The following RTN4 variants were observed in gnomAD, a reference collection of about 807,000 sequenced individuals.
The protein encoded by RTN4 is reticulon 4, also known as reticulon-4.
A neutral mutation model predicts 90.4 loss-of-function variants in RTN4; 32 were observed. That is an observed-to-expected ratio of 0.35 (90% CI 0.27 to 0.48). The LOEUF (loss-of-function observed/expected upper bound fraction) is 0.48, where lower values mean the gene tolerates loss of function less well. Among genes scored for constraint, RTN4 ranks in the 20% least tolerant of loss-of-function variants. RTN4 has a pLI of 0.99. For missense variants in RTN4, 1,706 were observed against 1,430.2 expected (o/e 1.19, Z -3.11); for synonymous variants, 629 against 552.5 (o/e 1.14, Z -1.94).
At chr2:55,039,224 G>C (rs1682894887) in intron 1 of RTN4, among the ~76,000 whole-genome samples, 1 of 152,118 alleles carries the variant, frequency 6.6e-6, no homozygotes, top group South Asian at 2.1e-4. Flanking sequence ...TTGTCAAAAT[G>C]TAAAACTGTT....
upstream of RTN4, among the ~76,000 whole-genome samples, chr2:55,113,530 T>G (rs1573525843): frequency 6.6e-6 from 1 of 152,310 alleles, no homozygotes; most frequent in South Asian, 2.1e-4. Flanking sequence ...TGGTAGTTGC[T>G]CTGGGGGAGA....
chr2:55,078,969 A>G (rs1668654217), intron 2 of RTN4, among the ~76,000 whole-genome samples: 1 of 152,226 alleles, frequency 6.6e-6, no homozygotes, highest in Non-Finnish European at 1.5e-5. Context: ...AAAATAGAGT[A>G]AGACAAACGG....
chr2:55,094,479 G>T (rs113858242), intron 1 of RTN4, among the ~76,000 whole-genome samples: 2 of 152,206 alleles, frequency 1.3e-5, no homozygotes, highest in African/African-American at 2.4e-5. Flanking sequence ...GAAGTATAGA[G>T]CAGTGACCAA....
chr2:55,112,274 A>G (rs145766760), intron 1 of RTN4, among the ~76,000 whole-genome samples: 2 of 152,328 alleles, frequency 1.3e-5, no homozygotes, highest in East Asian at 3.9e-4. Context: ...CACTTGGCAT[A>G]TGTTGCCTCA....
chr2:55,059,477 C>T (rs1047434614), intron 2 of RTN4, among the ~76,000 whole-genome samples: 3 of 152,046 alleles, frequency 2.0e-5, no homozygotes, highest in Admixed American at 6.5e-5. Context: ...CCTCAGCCTC[C>T]GGAGTAGATG....
chr2:55,125,960 C>A, the RTN4 span, among the ~76,000 whole-genome samples: 3 of 151,636 alleles, frequency 2.0e-5, no homozygotes, highest in Non-Finnish European at 2.9e-5. Context: ...ACTTGGGAGG[C>A]CGAGGCGGGA....
the RTN4 span, among the ~76,000 whole-genome samples, chr2:55,125,641 C>CACCG: frequency 6.6e-6 from 1 of 152,142 alleles, no homozygotes; most frequent in African/African-American, 2.4e-5. Flanking sequence ...TGGCACATGC[C>CACCG]TGTAATTCCA....
rs776333014 is a variant in RTN4, at chr2:55,027,341, C to T, written c.758G>A (p.Gly253Asp). ...AGTGGGTAATACTGTTGACAAATTACCAAGGTATTCATGTTCTTTGAAAGA... is the reference window on the plus strand; with the variant it reads ...AGTGGGTAATACTGTTGACAAATTATCAAGGTATTCATGTTCTTTGAAAGA... ...AASFKEHEYL[G>D]NLSTVLPTEG... Residue 253 changes from glycine to aspartate, a missense_variant, in exon 3 of 9, where the codon GGT (glycine) becomes GAT (aspartate). Gly to Asp is a moderately conservative substitution (Grantham distance 94). Transcript: ENST00000337526. The T allele has an allele frequency of 1.9e-6, 3 of 1,613,538 alleles. No individual in the cohort carries two copies. In the Admixed American group the frequency reaches 5.0e-5, roughly 27 times the overall value.
At chr2:54,976,164 G>A (rs548672275) in intron 5 of RTN4, among the ~76,000 whole-genome samples, 7 of 152,298 alleles carry the variant, frequency 4.6e-5, no homozygotes, top group East Asian at 1.9e-4. Context: ...CTCTAGCAAC[G>A]AAGATGCCCT....
At chr2:55,012,402 G>C (rs932866296) in intron 3 of RTN4, among the ~76,000 whole-genome samples, 3 of 150,618 alleles carry the variant, frequency 2.0e-5, no homozygotes, top group African/African-American at 7.5e-5. Context: ...GTCTTTGTAA[G>C]TGTACAAGGA....
Position 54,974,763 on chromosome 2 carries a change from A to G in RTN4, c.3362T>C (p.Phe1121Ser). 1 of 1,612,962 alleles carries G rather than the reference A, an allele frequency of 6.2e-7. No homozygotes were observed. The highest frequency in any genetic ancestry group is 8.5e-7 in the Non-Finnish European group (1 of 1,178,960). The change falls in exon 6 of 9, where the codon TTT becomes TCT. Residue 1121 changes from phenylalanine (F) to serine (S), a missense_variant and splice_region_variant. By Grantham distance (155) the Phe-to-Ser change is radical (BLOSUM62 -2). Coordinates refer to ENST00000337526, the MANE Select transcript of RTN4 (RefSeq NM_020532.5). ...GGTAAATACCCACATCAACACTGCA[A>G]ACTATAAGAAAATAACATTAGCCCA... ...LVDDLVDSLK[F>S]AVLMWVFTYV...
intron 3 of RTN4, among the ~76,000 whole-genome samples, chr2:54,993,449 G>C (rs139059305): frequency 3.9e-5 from 6 of 152,134 alleles, no homozygotes; most frequent in Admixed American, 3.9e-4. Context: ...GGTGTTCTGC[G>C]TTGAATCAAG....
chr2:55,135,207 GGT>G, the RTN4 span, among the ~76,000 whole-genome samples: 2 of 99,758 alleles, frequency 2.0e-5, no homozygotes, highest in African/African-American at 3.7e-5. Flanking sequence ...TTGTTTTTTT[GGT>G]TTTTTTTTTT....
rs1681039014 is a variant in RTN4 at position 55,016,386 on chromosome 2, C to G, written c.3013+8700G>C. Among the ~76,000 whole-genome samples the G allele has an allele frequency of 2.6e-5, 4 of 152,114 alleles. No homozygotes were observed. The South Asian group carries it at 8.3e-4, about 31-fold the overall frequency. ...TCACTTAAGGTCAGGAGTTCTGGAC[C>G]AGCTTAGCCAACATGGTGAAACCCT... On this transcript the variant is annotated intron_variant, in intron 3 of 8. Coordinates refer to ENST00000337526, the MANE Select transcript of RTN4 (RefSeq NM_020532.5).
At chr2:54,988,154 T>A (rs1678719076) in intron 3 of RTN4, among the ~76,000 whole-genome samples, 1 of 152,148 alleles carries the variant, frequency 6.6e-6, no homozygotes, top group African/African-American at 2.4e-5. Context: ...CCGTCTCTAC[T>A]GAAAATACAA....
chr2:55,091,883 T>C (rs186171906), intron 1 of RTN4, among the ~76,000 whole-genome samples: 10 of 151,874 alleles, frequency 6.6e-5, no homozygotes, highest in Non-Finnish European at 1.3e-4. Flanking sequence ...CCCTGATAAA[T>C]CCATCAGCTC....
chr2:55,039,049 T>C (rs1372245520), intron 1 of RTN4, among the ~76,000 whole-genome samples: 1 of 152,152 alleles, frequency 6.6e-6, no homozygotes, highest in Non-Finnish European at 1.5e-5. Flanking sequence ...GTAAAACTAA[T>C]CTATGATGAA....
At chr2:55,130,082 C>T in the RTN4 span, among the ~76,000 whole-genome samples, 1 of 152,046 alleles carries the variant, frequency 6.6e-6, no homozygotes, top group African/African-American at 2.4e-5. Context: ...TTTGTGAAGG[C>T]ATAAAATTGA....
the RTN4 span, among the ~76,000 whole-genome samples, chr2:55,129,801 T>TCCA: frequency 6.6e-6 from 1 of 152,110 alleles, no homozygotes; most frequent in Non-Finnish European, 1.5e-5. Flanking sequence ...GACCTCGTGA[T>TCCA]CCACCTGCCT....
Sources: allele counts gnomAD v4.1 joint callset (sites outside exome capture counted in the v4.1 genomes callset), GRCh38; gene constraint gnomAD v4.1.1; transcripts MANE v1.5; gene names NCBI Gene and HGNC (gene_info 2026-07-23, HGNC 2026-07-21).